The following SNTB1 variants were observed in gnomAD, a reference collection of about 807,000 sequenced individuals.
SNTB1 encodes the protein beta-1-syntrophin.
In SNTB1, 36 loss-of-function variants were observed where a neutral mutation model predicts 48.9. The observed-to-expected ratio is 0.74, with a 90% confidence interval of 0.56 to 0.97. The LOEUF (loss-of-function observed/expected upper bound fraction) is 0.97. Ranked by LOEUF, SNTB1 falls within the 50% of genes least tolerant of loss-of-function variation. The pLI is 0.00. For synonymous variants in SNTB1, 299 were observed against 294.6 expected (o/e 1.01, Z -0.15); for missense variants, 786 against 703.4 (o/e 1.12, Z -1.33).
chr8:120,582,937 A>C (rs1018478138), intron 3 of SNTB1, among the ~76,000 whole-genome samples: 3 of 152,140 alleles, frequency 2.0e-5, no homozygotes, highest in African/African-American at 4.8e-5. Context: ...GTAAAATTAA[A>C]AAAAATGAAA....
chr8:120,666,035 C>T (rs4307384), intron 2 of SNTB1, among the ~76,000 whole-genome samples: 84,366 of 151,946 alleles, frequency 0.56, 23,775 homozygotes, highest in East Asian at 0.7. Context: ...GCTGTTTGGT[C>T]ATTCTGAGTC....
At chr8:120,571,540 C>T in intron 4 of SNTB1, among the ~76,000 whole-genome samples, 1 of 120,228 alleles carries the variant, frequency 8.3e-6, no homozygotes. Context: ...CTCTGTCACC[C>T]AGGCTGGAGT....
intron 2 of SNTB1, among the ~76,000 whole-genome samples, chr8:120,650,249 T>C (rs900821665): frequency 3.3e-5 from 5 of 152,192 alleles, no homozygotes; most frequent in African/African-American, 4.8e-5. Context: ...ATGAGACATA[T>C]GTTAGACTTA....
chr8:120,571,169 G>A (rs1815836090), intron 4 of SNTB1: 2 of 1,219,806 alleles, frequency 1.6e-6, no homozygotes, highest in Non-Finnish European at 2.1e-6. Context: ...ATGTACGAGG[G>A]TAAATTTTAT....
intron 4 of SNTB1, chr8:120,571,265 G>T: frequency 7.8e-7 from 1 of 1,283,520 alleles, no homozygotes; most frequent in South Asian, 1.3e-5. Context: ...GTCCAACTTT[G>T]CTTCTTAGTA....
chr8:120,776,273 A>T (rs1301748490), intron 1 of SNTB1: 1 of 152,204 alleles, frequency 6.6e-6, no homozygotes, highest in Non-Finnish European at 1.5e-5. Context: ...CTTTCAGGTC[A>T]GTTTCCTTGA....
chr8:120,663,916 C>T (rs571509888), intron 2 of SNTB1, among the ~76,000 whole-genome samples: 2 of 152,230 alleles, frequency 1.3e-5, no homozygotes, highest in Non-Finnish European at 2.9e-5. Flanking sequence ...GTTTTATTTC[C>T]AAATTAATGC....
At chr8:120,569,105 A>G (rs921249230) in intron 4 of SNTB1, among the ~76,000 whole-genome samples, 2 of 152,136 alleles carry the variant, frequency 1.3e-5, no homozygotes, top group Non-Finnish European at 2.9e-5. Flanking sequence ...CAAAGCCTCC[A>G]GAGTAGCTGG....
chr8:120,569,844 A>G (rs1815813319), intron 4 of SNTB1, among the ~76,000 whole-genome samples: 1 of 152,234 alleles, frequency 6.6e-6, no homozygotes, highest in Admixed American at 6.5e-5. Flanking sequence ...AATTACTTTA[A>G]GTAGCCACAT....
rs887880067 is a variant in SNTB1 at position 120,679,434 on chromosome 8, T to C, written c.788+14258A>G. The stretch of plus-strand genomic sequence containing the variant: ...CCTCTGCCCTCCATCAAGACATACC[T>C]GACCTGAGTCCCATTGACTCAGGAC... On this transcript the variant is annotated intron_variant, in intron 2 of 6. Coordinates refer to ENST00000517992, the MANE Select transcript of SNTB1 (RefSeq NM_021021.4). 5.9e-5 allele frequency among the ~76,000 whole-genome samples: 9 copies of C among 152,264 alleles called. No homozygotes were observed. In the East Asian group the frequency reaches 7.7e-4, roughly 13 times the overall value.
intron 4 of SNTB1, among the ~76,000 whole-genome samples, chr8:120,564,270 T>C (rs1014866663): frequency 9.2e-5 from 14 of 152,136 alleles, no homozygotes; most frequent in African/African-American, 3.4e-4. Flanking sequence ...CCTGATATGA[T>C]AGGATTAGCG....
At chr8:120,750,145 T>C (rs1412922439) in intron 1 of SNTB1, among the ~76,000 whole-genome samples, 50 of 138,916 alleles carry the variant, frequency 3.6e-4, no homozygotes, top group African/African-American at 1.1e-3. Flanking sequence ...CTTCCCTACG[T>C]CCCTCCTTCC....
chr8:120,705,824 A>G (rs1321030235), intron 1 of SNTB1, among the ~76,000 whole-genome samples: 3 of 152,194 alleles, frequency 2.0e-5, no homozygotes, highest in Non-Finnish European at 2.9e-5. Context: ...CAATGAGACA[A>G]TCTGTTAAGC....
intron 1 of SNTB1, among the ~76,000 whole-genome samples, chr8:120,741,416 C>T (rs1198004615): frequency 6.6e-6 from 1 of 152,180 alleles, no homozygotes; most frequent in Non-Finnish European, 1.5e-5. Context: ...TGAGACCAGC[C>T]TGGCCAACAT....
chr8:120,621,420 G>A lies in SNTB1; in HGVS notation c.996+11024C>T, dbSNP rs1816792515. On this transcript the variant is annotated intron_variant, in intron 3 of 6. Coordinates refer to ENST00000517992, the MANE Select transcript of SNTB1 (RefSeq NM_021021.4). ...AGTTCAGGGAAGATTTAGTCTGTTT[G>A]TATACAGAGCAGAGAATAAAAGAAC... is the stretch of plus-strand genomic sequence containing the variant. Among the ~76,000 whole-genome samples the A allele has an allele frequency of 2.6e-5, 4 of 152,284 alleles. No individual in the cohort carries two copies. In the South Asian group the frequency reaches 8.3e-4, roughly 32 times the overall value.
chr8:120,540,061 A>T (rs1815260886), intron 6 of SNTB1, among the ~76,000 whole-genome samples: 1 of 152,210 alleles, frequency 6.6e-6, no homozygotes, highest in Non-Finnish European at 1.5e-5. Flanking sequence ...GAAACTTTTG[A>T]AAAAGGGACA....
intron 1 of SNTB1, among the ~76,000 whole-genome samples, chr8:120,707,650 T>A (rs1289523521): frequency 1.3e-5 from 2 of 151,998 alleles, no homozygotes; most frequent in Admixed American, 6.6e-5. Flanking sequence ...CATAGAAAAA[T>A]TTAACAATAA....
At chr8:120,593,943 GTTCAC>G (rs1816283408) in intron 3 of SNTB1, among the ~76,000 whole-genome samples, 1 of 152,108 alleles carries the variant, frequency 6.6e-6, no homozygotes, top group Admixed American at 6.5e-5. Context: ...GACTTTCATT[GTTCAC>G]TTCACTCAAT....
At chr8:120,705,528 T>C (rs1818366378) in intron 1 of SNTB1, among the ~76,000 whole-genome samples, 1 of 152,210 alleles carries the variant, frequency 6.6e-6, no homozygotes, top group African/African-American at 2.4e-5. Context: ...AAGAAAAGAC[T>C]GGGAGGTGGT....
Sources: allele counts gnomAD v4.1 joint callset (sites outside exome capture counted in the v4.1 genomes callset), GRCh38; gene constraint gnomAD v4.1.1; transcripts MANE v1.5; gene names NCBI Gene and HGNC (gene_info 2026-07-23, HGNC 2026-07-21).